The following SDK1 variants were observed in gnomAD, a reference collection of about 807,000 sequenced individuals.
The protein encoded by SDK1 is sidekick cell adhesion molecule 1.
SDK1 carries 157 observed loss-of-function variants against 245.5 expected under a neutral mutation model. The observed-to-expected ratio is 0.64, with a 90% CI of 0.56 to 0.73. The LOEUF (loss-of-function observed/expected upper bound fraction) is 0.73. Ranked by LOEUF, SDK1 falls within the 30% of genes least tolerant of loss-of-function variation. The pLI is 0.00. For synonymous variants in SDK1, 1,647 were observed against 1,278.5 expected, an observed-to-expected ratio of 1.29 and a Z score of -6.15; for missense variants, 3,583 against 3,002.3, an observed-to-expected ratio of 1.19 and a Z score of -4.52.
intron 17 of SDK1, among the ~76,000 whole-genome samples, chr7:4,022,102 G>C (rs906904052): frequency 2.6e-5 from 4 of 152,218 alleles, no homozygotes; most frequent in African/African-American, 9.6e-5. Flanking sequence ...CTAGGGGCTT[G>C]AGCAGGTCCT....
At chr7:3,985,211 G>A (rs1473328865) in intron 13 of SDK1, among the ~76,000 whole-genome samples, 1 of 152,250 alleles carries the variant, frequency 6.6e-6, no homozygotes, top group African/African-American at 2.4e-5. Context: ...TCACCATGGT[G>A]GCGAAAACCG....
At chr7:4,265,082 CGCCCT>C in intron 44 of SDK1, 37 bp from the exon 45 acceptor site, 1 of 1,590,158 alleles carries the variant, frequency 6.3e-7, no homozygotes, top group Non-Finnish European at 8.5e-7. Context: ...CCGGGCCCTG[CGCCCT>C]GCCCTGCACT....
At chr7:4,230,987 A>C (rs1785724126) in intron 40 of SDK1, among the ~76,000 whole-genome samples, 1 of 152,114 alleles carries the variant, frequency 6.6e-6, no homozygotes, top group East Asian at 1.9e-4. Context: ...GCATTTGTGG[A>C]TGAATAAGGG....
intron 1 of SDK1, among the ~76,000 whole-genome samples, chr7:3,358,641 A>T (rs1173579632): frequency 2.0e-5 from 3 of 152,188 alleles, no homozygotes; most frequent in African/African-American, 4.8e-5. Context: ...CTATGCAGCT[A>T]GAATTTTCTG....
intron 1 of SDK1, among the ~76,000 whole-genome samples, chr7:3,427,178 T>C (rs1316365064): frequency 8.5e-5 from 13 of 152,148 alleles, no homozygotes. Flanking sequence ...CTGTCAGTGA[T>C]AAATATGTAT....
At chr7:3,873,589 C>G (rs896895824) in intron 5 of SDK1, among the ~76,000 whole-genome samples, 1 of 152,136 alleles carries the variant, frequency 6.6e-6, no homozygotes, top group South Asian at 2.1e-4. Flanking sequence ...ATATGTTAGG[C>G]TGTTTGATAT....
rs1780420332 is a variant in SDK1 at position 3,448,726 on chromosome 7, C to T, written c.298+146842C>T. 2.6e-5 allele frequency among the ~76,000 whole-genome samples: 4 copies of T among 152,096 alleles called. No homozygotes were observed. In the South Asian group the frequency reaches 8.3e-4, roughly 31 times the overall value. On this transcript the variant is annotated intron_variant, in intron 1 of 44. Coordinates refer to ENST00000404826, the MANE Select transcript of SDK1 (RefSeq NM_152744.4). The stretch of plus-strand genomic sequence containing the variant: ...TTAGTAAATAAACCACCCTTTCTTT[C>T]TGAATTTAAATGCCATCAGTACTTT...
At chr7:3,908,172 A>C (rs1779024104) in intron 5 of SDK1, among the ~76,000 whole-genome samples, 1 of 152,338 alleles carries the variant, frequency 6.6e-6, no homozygotes, top group African/African-American at 2.4e-5. Context: ...GCTGCGGTAC[A>C]GGAAAGCACA....
intron 9 of SDK1, among the ~76,000 whole-genome samples, chr7:3,965,259 C>G (rs1442306980): frequency 6.6e-6 from 1 of 152,036 alleles, no homozygotes; most frequent in African/African-American, 2.4e-5. Context: ...CAGTGAGAGA[C>G]TTAGGAATGA....
intron 9 of SDK1, among the ~76,000 whole-genome samples, chr7:3,963,967 C>G (rs1319549138): frequency 2.0e-5 from 3 of 152,198 alleles, no homozygotes; most frequent in Non-Finnish European, 4.4e-5. Context: ...CCAGATGTAT[C>G]CAGTGGGTAC....
intron 1 of SDK1, among the ~76,000 whole-genome samples, chr7:3,503,327 T>C (rs1562526387): frequency 6.6e-6 from 1 of 152,216 alleles, no homozygotes; most frequent in Non-Finnish European, 1.5e-5. Context: ...CATTTTCAGC[T>C]AATGATGATT....
chr7:3,592,159 C>T (rs937720254), intron 1 of SDK1, among the ~76,000 whole-genome samples: 8 of 152,108 alleles, frequency 5.3e-5, no homozygotes, highest in African/African-American at 1.9e-4. Context: ...TTTGACTGAC[C>T]GCCTGCTGAT....
chr7:3,938,122 C>T (rs1177977072), intron 5 of SDK1, among the ~76,000 whole-genome samples: 2 of 152,216 alleles, frequency 1.3e-5, no homozygotes, highest in Non-Finnish European at 2.9e-5. Flanking sequence ...CAGGCATAAG[C>T]TACCGCACCT....
In SDK1 at chr7:4,026,215, G is replaced by C. The variant is rs746313407; in HGVS notation, c.2602+8863G>C. ...AGAAACCACAAACATGCAATTTTCA[G>C]ATGCGGAGAATGCAGAGACAGGGCA... On this transcript the variant is annotated intron_variant, in intron 17 of 44. Coordinates refer to ENST00000404826, the MANE Select transcript of SDK1 (RefSeq NM_152744.4). This position sits in a 1 kb window ranked among gnomAD's most constrained non-coding sequence, Gnocchi z 4.1. Among the ~76,000 whole-genome samples the C allele has an allele frequency of 1.2e-3, 181 of 152,338 alleles. 1 individual carries two copies. Among genetic ancestry groups the C allele is most frequent in the African/African-American group, 4.1e-3 (172 of 41,578 alleles).
intron 5 of SDK1, among the ~76,000 whole-genome samples, chr7:3,866,334 G>C (rs1303345596): frequency 6.6e-6 from 1 of 152,198 alleles, no homozygotes; most frequent in South Asian, 2.1e-4. Flanking sequence ...GCTCTTCTGA[G>C]CTCTGATTCC....
At chr7:3,802,690 A>G in intron 4 of SDK1, among the ~76,000 whole-genome samples, 2 of 152,240 alleles carry the variant, frequency 1.3e-5, no homozygotes, top group South Asian at 4.2e-4. Flanking sequence ...TGAGAATGTT[A>G]TGTAAGTGGA....
chr7:4,122,258 C>G (rs1240783275), intron 25 of SDK1, among the ~76,000 whole-genome samples: 1 of 152,166 alleles, frequency 6.6e-6, no homozygotes, highest in Non-Finnish European at 1.5e-5. Flanking sequence ...TTCCCTGGCC[C>G]TACTAACATC....
intron 1 of SDK1, among the ~76,000 whole-genome samples, chr7:3,342,674 A>C (rs1298923674): frequency 6.6e-6 from 1 of 152,210 alleles, no homozygotes; most frequent in East Asian, 1.9e-4. Context: ...ACAATCCATA[A>C]AAGAAAAACT....
At chr7:3,701,667 G>A (rs1583321391) in intron 4 of SDK1, among the ~76,000 whole-genome samples, 1 of 152,120 alleles carries the variant, frequency 6.6e-6, no homozygotes, top group Admixed American at 6.5e-5. Flanking sequence ...TGGAATAGGT[G>A]AACAGTTTTG....
Sources: allele counts gnomAD v4.1 joint callset (sites outside exome capture counted in the v4.1 genomes callset), GRCh38; gene constraint gnomAD v4.1.1; non-coding constraint Gnocchi (gnomAD v3.1); transcripts MANE v1.5; gene names NCBI Gene and HGNC (gene_info 2026-07-23, HGNC 2026-07-21).